ANKRD27: variants seen among roughly 807,000 people sequenced by gnomAD.
ANKRD27 encodes the protein ankyrin repeat domain 27.
Under a neutral mutation model 129.7 loss-of-function variants are expected in ANKRD27, and 112 were observed. The ratio of observed to expected loss-of-function variants is 0.86; its 90% CI spans 0.74 to 1.01. ANKRD27 has a LOEUF of 1.01. Among genes scored for constraint, ANKRD27 ranks in the 50% least tolerant of loss-of-function variants. The pLI, the probability that ANKRD27 is intolerant of heterozygous loss-of-function variation, is 0.00. For missense variants in ANKRD27, 1,258 were observed against 1,300.5 expected, an observed-to-expected ratio of 0.97 and a Z score of 0.50; for synonymous variants, 516 against 511.2, an observed-to-expected ratio of 1.01 and a Z score of -0.13.
chr19:32,600,738 ACCTTAACTC>A (rs1303693819), intron 26 of ANKRD27, among the ~76,000 whole-genome samples: 1 of 151,804 alleles, frequency 6.6e-6, no homozygotes, highest in Admixed American at 6.6e-5. Flanking sequence ...GAAAAATAAA[ACCTTAACTC>A]CCTTAACTCC....
At position 32,619,329 on chromosome 19, in the gene ANKRD27, G is replaced by T; in HGVS notation, c.1938C>A (p.Ser646=). 1 of 1,613,816 alleles carries T rather than the reference G, an allele frequency of 6.2e-7. No individual in the cohort carries two copies. Among genetic ancestry groups the T allele is most frequent in the Non-Finnish European group, 8.5e-7 (1 of 1,179,952 alleles). The change falls in exon 20 of 29, where the codon TCC becomes TCA. Residue 646 remains serine (S), a synonymous_variant. Coordinates refer to ENST00000306065, the MANE Select transcript of ANKRD27 (RefSeq NM_032139.3). Reference sequence around the variant, plus strand: ...ACATGGAGGAGAAGCTGGAAGTGGAGGACTCTTGGCTGATGGAGTCCACGG... The same window carrying T: ...ACATGGAGGAGAAGCTGGAAGTGGATGACTCTTGGCTGATGGAGTCCACGG... ...QRSVDSISQE[S]STSSFSSMSA...
At chr19:32,633,972 A>C (rs993375796) in intron 12 of ANKRD27, among the ~76,000 whole-genome samples, 1 of 152,092 alleles carries the variant, frequency 6.6e-6, no homozygotes, top group Non-Finnish European at 1.5e-5. Context: ...TGGAGGCTGC[A>C]GTGAGCTAGG....
chr19:32,643,603 C>A lies in ANKRD27; in HGVS notation c.554G>T (p.Cys185Phe), dbSNP rs766167113. 2.5e-6 allele frequency: 4 copies of A among 1,614,054 alleles called. No individual in the cohort carries two copies. The highest frequency in any genetic ancestry group is 1.6e-4 in the Middle Eastern group (1 of 6,062). Residue 185 changes from cysteine (C) to phenylalanine (F), a missense_variant, in exon 6 of 29, where the codon TGC becomes TTC. Transcript: ENST00000306065. ...AGAGTCCCTCAGAAGCTGCTGGAGG[C>A]ATTTGGTGTAGAGAGCATTCGCTGA... ...IDSANALYTK[C>F]LQQLLRDSHL...
intron 2 of ANKRD27, among the ~76,000 whole-genome samples, chr19:32,650,826 T>C (rs530167395): frequency 1.7e-3 from 249 of 147,112 alleles, no homozygotes; most frequent in Non-Finnish European, 3.1e-3. Flanking sequence ...CATAGCTCAC[T>C]GCACCCTCAA....
At chr19:32,604,775 G>A (rs1339124843) in intron 24 of ANKRD27, among the ~76,000 whole-genome samples, 1 of 152,050 alleles carries the variant, frequency 6.6e-6, no homozygotes, top group Non-Finnish European at 1.5e-5. Context: ...ACAATACTTG[G>A]GGCCAGGCAC....
chr19:32,631,609 C>A, intron 12 of ANKRD27, 115 bp from the exon 13 acceptor site: 1 of 801,110 alleles, frequency 1.2e-6, no homozygotes, highest in Non-Finnish European at 2.1e-6. Context: ...CGCCTCTCTC[C>A]CGTCTCATAT....
rs562931288 is a variant in ANKRD27 at position 32,607,754 on chromosome 19, C to A, written c.2254G>T (p.Ala752Ser). Residue 752 changes from alanine to serine, a missense_variant, in exon 23 of 29, where the codon GCC (alanine) becomes TCC (serine). By Grantham distance (99) the Ala-to-Ser change is moderately conservative (BLOSUM62 1). Transcript: ENST00000306065. ...ATGAGGTCCGCCCGGCCGTGCAGGG[C>A]GGCGACATGCAGCGGGGAGGAGCCG... ...QDGSSPLHVA[A>S]LHGRADLIPL... is the part of the protein sequence containing the mutation. 2.1e-5 allele frequency: 34 copies of A among 1,612,898 alleles called. No individual in the cohort carries two copies. In the Middle Eastern group the frequency reaches 8.3e-4, roughly 39 times the overall value.
Position 32,607,843 on chromosome 19 carries a change from C to T in ANKRD27, c.2176-11G>A. 1 of 1,596,946 alleles carries T rather than the reference C, an allele frequency of 6.3e-7. No homozygotes were observed. The highest frequency in any genetic ancestry group is 1.3e-5 in the African/African-American group (1 of 74,694). ...AACCTTCGCCAGCCTCTGGGAAGCG[C>T]AGAAGATGGAAACACAAACGTCATC... is the stretch of plus-strand genomic sequence containing the variant. On this transcript the variant is annotated splice_polypyrimidine_tract_variant and intron_variant, in intron 22 of 28. Transcript: ENST00000306065.
chr19:32,607,691 T>C lies in ANKRD27; in HGVS notation c.2317A>G (p.Arg773Gly), dbSNP rs751028470. The change falls in exon 23 of 29, where the codon AGG (arginine) becomes GGG (glycine). Residue 773 changes from arginine (R) to glycine (G), a missense_variant. Transcript: ENST00000306065. ...LLKHGANAGA[R>G]NADQAVPLHL... ...AGCGGGACGGCTTGGTCTGCGTTCC[T>C]GGCACCTGCGTTGGCCCCGTGCTTC... 4 of 1,612,790 alleles carry C rather than the reference T, an allele frequency of 2.5e-6. No individual in the cohort carries two copies. The highest frequency in any genetic ancestry group is 3.4e-6 in the Non-Finnish European group (4 of 1,179,696).
chr19:32,657,960 G>A (rs940518010), intron 2 of ANKRD27, among the ~76,000 whole-genome samples: 4 of 152,092 alleles, frequency 2.6e-5, no homozygotes, highest in East Asian at 1.9e-4. Context: ...GGGTGACAGA[G>A]CAAGACTCTG....
At chr19:32,636,755 T>TAC (rs1967099100) in intron 12 of ANKRD27, among the ~76,000 whole-genome samples, 1 of 150,252 alleles carries the variant, frequency 6.7e-6, no homozygotes, top group East Asian at 1.9e-4. Context: ...TATATATATA[T>TAC]ACACATATTT....
chr19:32,643,076 C>T, intron 9 of ANKRD27, 47 bp downstream of exon 9: 1 of 1,589,260 alleles, frequency 6.3e-7, no homozygotes, highest in Non-Finnish European at 8.6e-7. Flanking sequence ...GAGAAGACAG[C>T]ACCCCTGCCT....
At chr19:32,613,854 G>A (rs1046981674) in intron 22 of ANKRD27, among the ~76,000 whole-genome samples, 7 of 151,872 alleles carry the variant, frequency 4.6e-5, no homozygotes, top group Non-Finnish European at 7.4e-5. Flanking sequence ...GACTAGAAGC[G>A]CCCGCCACCA....
chr19:32,640,496 T>C, intron 10 of ANKRD27, 111 bp from the exon 11 acceptor site: 1 of 844,118 alleles, frequency 1.2e-6, no homozygotes, highest in Non-Finnish European at 2.0e-6. Context: ...AGGGAGATCA[T>C]ACACTGGGGG....
chr19:32,661,217 T>TCACA (rs1568419902), intron 1 of ANKRD27, among the ~76,000 whole-genome samples: 360 of 87,460 alleles, frequency 4.1e-3, no homozygotes, highest in African/African-American at 0.012. Context: ...AAAAAAAAAA[T>TCACA]TATACACACA....
At chr19:32,654,167 T>C (rs979316969) in intron 2 of ANKRD27, among the ~76,000 whole-genome samples, 2 of 152,178 alleles carry the variant, frequency 1.3e-5, no homozygotes, top group Non-Finnish European at 2.9e-5. Flanking sequence ...CCCAAAGTGC[T>C]GGGATTACAG....
intron 24 of ANKRD27, 97 bp downstream of exon 24, chr19:32,605,738 G>A: frequency 1.3e-6 from 2 of 1,514,166 alleles, no homozygotes; most frequent in Non-Finnish European, 1.8e-6. Flanking sequence ...TGGGTGGCCG[G>A]GCCTCTCCAT....
intron 13 of ANKRD27, among the ~76,000 whole-genome samples, chr19:32,629,735 A>T (rs1013326612): frequency 6.6e-6 from 1 of 151,812 alleles, no homozygotes; most frequent in Non-Finnish European, 1.5e-5. Context: ...AAACAACATG[A>T]CAAAATCCAT....
intron 1 of ANKRD27, among the ~76,000 whole-genome samples, chr19:32,671,416 G>A (rs1238600022): frequency 6.6e-6 from 1 of 151,954 alleles, no homozygotes; most frequent in African/African-American, 2.4e-5. Flanking sequence ...TTAGTTTGCT[G>A]GCTGGGCACA....
Sources: allele counts gnomAD v4.1 joint callset (sites outside exome capture counted in the v4.1 genomes callset), GRCh38; gene constraint gnomAD v4.1.1; transcripts MANE v1.5; gene names NCBI Gene and HGNC (gene_info 2026-07-23, HGNC 2026-07-21).